The following SLC44A5 variants were observed in gnomAD, a reference collection of about 807,000 sequenced individuals.
The protein encoded by SLC44A5 is solute carrier family 44 member 5.
A neutral mutation model predicts 101.8 loss-of-function variants in SLC44A5; 57 were observed. That is an observed-to-expected ratio of 0.56 (90% confidence interval 0.45 to 0.70). SLC44A5 has a LOEUF of 0.70. SLC44A5 is among the 30% of genes least tolerant of loss of function. The pLI is 0.00. For missense variants in SLC44A5, 737 were observed against 853.1 expected, an observed-to-expected ratio of 0.86 and a Z score of 1.70; for synonymous variants, 281 against 290.9, an observed-to-expected ratio of 0.97 and a Z score of 0.35.
rs117401384 is a variant in SLC44A5 at position 75,404,445 on chromosome 1, A to G, written c.14-7824T>C. Among the ~76,000 whole-genome samples, 535 of 152,300 alleles carry G rather than the reference A, an allele frequency of 3.5e-3. 27 individuals are homozygous for G. The East Asian group carries it at 0.078, about 22-fold the overall frequency. Reference sequence around the variant, plus strand: ...AGGAAAAAATGTTAGGGGCAGCCAGAGCAAAAGGTCAGGTTACCCACAAAG... The same window carrying G: ...AGGAAAAAATGTTAGGGGCAGCCAGGGCAAAAGGTCAGGTTACCCACAAAG... On this transcript the variant is annotated intron_variant, in intron 2 of 23. Transcript: ENST00000370859.
chr1:75,643,676 C>A, the SLC44A5 span, among the ~76,000 whole-genome samples: 1 of 152,188 alleles, frequency 6.6e-6, no homozygotes, highest in Non-Finnish European at 1.5e-5. Flanking sequence ...TCACAAGATC[C>A]CATTGTTTTA....
upstream of SLC44A5, chr1:75,616,008 G>A (rs1332499928): frequency 8.3e-6 from 4 of 482,446 alleles, no homozygotes; most frequent in Non-Finnish European, 1.1e-5. Context: ...GATGGCATCT[G>A]CGAGCAGCAG....
At chr1:75,579,873 CAGG>C (rs1195863936) in intron 1 of SLC44A5, among the ~76,000 whole-genome samples, 1 of 149,324 alleles carries the variant, frequency 6.7e-6, no homozygotes, top group Non-Finnish European at 1.5e-5. Context: ...ACCTGCCAAC[CAGG>C]AGATTTTTTA....
rs529682040 is a variant in SLC44A5 at position 75,281,578 on chromosome 1, C to G, written c.176-6536G>C. On this transcript the variant is annotated intron_variant, in intron 5 of 23. Coordinates refer to ENST00000370859, the MANE Select transcript of SLC44A5 (RefSeq NM_001130058.2). ...GCATGTCAAAGACTTGAAAGGCAGC[C>G]CCTCTGATCACAGGCTCAGAACCTA... 1.8e-3 allele frequency among the ~76,000 whole-genome samples: 268 copies of G among 150,126 alleles called. 1 individual carries two copies. Among genetic ancestry groups the G allele is most frequent in the African/African-American group, 6.1e-3 (250 of 41,096 alleles).
intron 2 of SLC44A5, among the ~76,000 whole-genome samples, chr1:75,418,365 C>T (rs1032876054): frequency 1.1e-4 from 17 of 152,130 alleles, no homozygotes; most frequent in African/African-American, 3.4e-4. Context: ...ACAAAGAAAA[C>T]GTAACTAGTA....
At chr1:75,650,537 G>C in the SLC44A5 span, among the ~76,000 whole-genome samples, 2 of 152,152 alleles carry the variant, frequency 1.3e-5, no homozygotes, top group East Asian at 3.8e-4. Flanking sequence ...TCATCAATCT[G>C]CCACAGGGTC....
the SLC44A5 span, among the ~76,000 whole-genome samples, chr1:75,658,248 A>T: frequency 6.6e-6 from 1 of 151,546 alleles, no homozygotes; most frequent in South Asian, 2.1e-4. Context: ...TAATTTTTCT[A>T]TTTTTTTTGT....
intron 3 of SLC44A5, among the ~76,000 whole-genome samples, chr1:75,361,137 A>G (rs1246482146): frequency 6.6e-6 from 1 of 151,822 alleles, no homozygotes; most frequent in African/African-American, 2.4e-5. Flanking sequence ...GGTGCTAATG[A>G]TTTTTCGTGT....
At chr1:75,549,015 CA>C (rs2101974566) in intron 1 of SLC44A5, among the ~76,000 whole-genome samples, 2 of 152,248 alleles carry the variant, frequency 1.3e-5, no homozygotes, top group East Asian at 3.9e-4. Context: ...GCTATAATCT[CA>C]GCCAGGTTTC....
intron 1 of SLC44A5, among the ~76,000 whole-genome samples, chr1:75,550,860 G>A (rs905116511): frequency 3.3e-5 from 5 of 152,236 alleles, no homozygotes; most frequent in Non-Finnish European, 7.4e-5. Context: ...ACCTTGAGAT[G>A]CCCATGACCC....
the SLC44A5 span, among the ~76,000 whole-genome samples, chr1:75,683,528 T>A: frequency 6.6e-6 from 1 of 151,992 alleles, no homozygotes; most frequent in East Asian, 1.9e-4. Flanking sequence ...ACACCGCATA[T>A]TCTCACTCAT....
chr1:75,545,178 G>C (rs1166117038), intron 1 of SLC44A5, among the ~76,000 whole-genome samples: 1 of 152,158 alleles, frequency 6.6e-6, no homozygotes, highest in African/African-American at 2.4e-5. Context: ...CTCTGCAAAG[G>C]ACACGATCTC....
chr1:75,351,006 C>T (rs1003602739), intron 3 of SLC44A5, among the ~76,000 whole-genome samples: 14 of 151,016 alleles, frequency 9.3e-5, no homozygotes, highest in African/African-American at 1.7e-4. Flanking sequence ...CTCTAGAAAT[C>T]GAAATTATAG....
the SLC44A5 span, among the ~76,000 whole-genome samples, chr1:75,695,666 T>C: frequency 6.7e-6 from 1 of 149,518 alleles, no homozygotes; most frequent in Non-Finnish European, 1.5e-5. Context: ...GCAAATAAGA[T>C]TATGAATACT....
chr1:75,339,595 G>A lies in SLC44A5; in HGVS notation c.88C>T (p.Pro30Ser). Residue 30 changes from proline to serine, a missense_variant, in exon 4 of 24, where the codon CCT becomes TCT. Coordinates refer to ENST00000370859, the MANE Select transcript of SLC44A5 (RefSeq NM_001130058.2). ...ATAATTGCTTACCTGTTGGCAACAG[G>A]CCCCTTGAAATCTGGGTCATATGTC... ...PRTYDPDFKGPVANRSCTDVL... is the reference protein window; with the variant it reads ...PRTYDPDFKGSVANRSCTDVL... 1.2e-6 allele frequency: 2 copies of A among 1,608,808 alleles called. No homozygotes were observed. Among genetic ancestry groups the A allele is most frequent in the Non-Finnish European group, 8.5e-7 (1 of 1,177,248 alleles).
At chr1:75,271,202 G>C (rs1651438385) in intron 6 of SLC44A5, among the ~76,000 whole-genome samples, 1 of 151,282 alleles carries the variant, frequency 6.6e-6, no homozygotes, top group South Asian at 2.1e-4. Context: ...TAAATTTCTG[G>C]GTTTTCTTGA....
At chr1:75,340,866 G>C (rs1418881330) in intron 3 of SLC44A5, among the ~76,000 whole-genome samples, 1 of 152,232 alleles carries the variant, frequency 6.6e-6, no homozygotes, top group Non-Finnish European at 1.5e-5. Flanking sequence ...TCAGAAAGAA[G>C]TTATTGAAGT....
At chr1:75,697,225 T>C in the SLC44A5 span, among the ~76,000 whole-genome samples, 1 of 152,230 alleles carries the variant, frequency 6.6e-6, no homozygotes, top group Non-Finnish European at 1.5e-5. Context: ...CTAGTCAATA[T>C]AGCAACACTC....
rs555364488 is a variant in SLC44A5, at chr1:75,326,966, T to C, written c.101+12616A>G. On this transcript the variant is annotated intron_variant, in intron 4 of 23. Coordinates refer to ENST00000370859, the MANE Select transcript of SLC44A5 (RefSeq NM_001130058.2). ...TAATACATATTACAATGGAGCATTTTCAGGAAGAAAACATTAAGAAATAAG... is the reference window on the plus strand; with the variant it reads ...TAATACATATTACAATGGAGCATTTCCAGGAAGAAAACATTAAGAAATAAG... Among the ~76,000 whole-genome samples, 9 of 152,226 alleles carry C rather than the reference T, an allele frequency of 5.9e-5. No homozygotes were observed. The East Asian group carries it at 1.7e-3, about 29-fold the overall frequency.
Sources: allele counts gnomAD v4.1 joint callset (sites outside exome capture counted in the v4.1 genomes callset), GRCh38; gene constraint gnomAD v4.1.1; transcripts MANE v1.5; gene names NCBI Gene and HGNC (gene_info 2026-07-23, HGNC 2026-07-21).